Variants in ATP2B1 observed in about 807,000 individuals in gnomAD.
ATP2B1 encodes plasma membrane calcium-transporting ATPase 1.
A neutral mutation model predicts 124.2 loss-of-function variants in ATP2B1; 14 were observed. The observed-to-expected ratio is 0.11, with a 90% confidence interval of 0.07 to 0.18. ATP2B1 has a LOEUF of 0.18. ATP2B1 is among the 10% of genes least tolerant of loss of function. The probability of loss-of-function intolerance (pLI) is 1.00; values close to 1 mark genes in which losing one functional copy is unlikely to be tolerated. For missense variants in ATP2B1, 763 were observed against 1,466.1 expected (o/e 0.52, Z 7.83); for synonymous variants, 449 against 492.4 (o/e 0.91, Z 1.17).
intron 20 of ATP2B1, chr12:89,593,668 A>T (rs1386036302): frequency 6.6e-6 from 1 of 152,076 alleles, no homozygotes; most frequent in Non-Finnish European, 1.5e-5. Context: ...TGTAAAGGTG[A>T]GGGCAACAAG....
chr12:89,636,426 C>T (rs1243679379), intron 3 of ATP2B1, among the ~76,000 whole-genome samples: 1 of 152,022 alleles, frequency 6.6e-6, no homozygotes, highest in African/African-American at 2.4e-5. Flanking sequence ...TTTCCTGAAA[C>T]GCTGATTACT....
In ATP2B1 at chr12:89,675,838, A is replaced by C. The variant is rs545735185; in HGVS notation, c.-221-19731T>G. On this transcript the variant is annotated intron_variant, in intron 1 of 20. Transcript: ENST00000428670. ...CTTTCTGGGGAAAGATACTACTTTT[A>C]CTGTAAAGTTTCCTGACGAGCCAGG... Among the ~76,000 whole-genome samples, 439 of 152,314 alleles carry C rather than the reference A, an allele frequency of 2.9e-3. 1 individual carries two copies. The highest frequency in any genetic ancestry group is 4.8e-3 in the Non-Finnish European group (328 of 68,016).
intron 8 of ATP2B1, among the ~76,000 whole-genome samples, chr12:89,625,310 G>A (rs1329161949): frequency 1.3e-5 from 2 of 151,800 alleles, no homozygotes; most frequent in African/African-American, 4.8e-5. Context: ...GCAGCTGGGC[G>A]CAGTGGCTCA....
intron 11 of ATP2B1, among the ~76,000 whole-genome samples, chr12:89,618,712 A>G (rs1565825241): frequency 1.3e-5 from 2 of 152,120 alleles, no homozygotes; most frequent in Non-Finnish European, 2.9e-5. Flanking sequence ...CCCCACCTCG[A>G]AGTTCTCATT....
At chr12:89,632,469 G>A (rs1457283993) in intron 5 of ATP2B1, among the ~76,000 whole-genome samples, 1 of 152,150 alleles carries the variant, frequency 6.6e-6, no homozygotes, top group Non-Finnish European at 1.5e-5. Context: ...TCAAGATAGT[G>A]AAAAAGTAGA....
intron 20 of ATP2B1, among the ~76,000 whole-genome samples, chr12:89,592,378 A>C (rs1239486001): frequency 6.6e-6 from 1 of 152,096 alleles, no homozygotes; most frequent in Non-Finnish European, 1.5e-5. Context: ...ACATTCTAGA[A>C]AAAAGATGCG....
At chr12:89,704,073 AC>A (rs1892167326) in intron 1 of ATP2B1, among the ~76,000 whole-genome samples, 1 of 152,212 alleles carries the variant, frequency 6.6e-6, no homozygotes, top group Non-Finnish European at 1.5e-5. Flanking sequence ...CTCATTTGGA[AC>A]CTTTTAAACT....
intron 19 of ATP2B1, among the ~76,000 whole-genome samples, chr12:89,599,702 T>C (rs1489894911): frequency 2.0e-5 from 3 of 152,022 alleles, no homozygotes; most frequent in African/African-American, 7.3e-5. Context: ...CTGTCAGAGT[T>C]CAATGAGAAA....
intron 15 of ATP2B1, among the ~76,000 whole-genome samples, chr12:89,608,981 T>G (rs1167689220): frequency 6.6e-6 from 1 of 152,150 alleles, no homozygotes; most frequent in Non-Finnish European, 1.5e-5. Context: ...TACCCATAAT[T>G]TCCTTTCCTC....
chr12:89,705,183 GTTAT>G (rs1169471381), intron 1 of ATP2B1, among the ~76,000 whole-genome samples: 2 of 152,004 alleles, frequency 1.3e-5, no homozygotes, highest in Non-Finnish European at 2.9e-5. Flanking sequence ...ATTTTTTAAA[GTTAT>G]TTATCTTTAT....
chr12:89,609,854 G>GT (rs1177010370), intron 15 of ATP2B1, 83 bp downstream of exon 15: 2 of 1,256,162 alleles, frequency 1.6e-6, no homozygotes, highest in African/African-American at 3.0e-5. Flanking sequence ...AAAATCCATA[G>GT]TAATTTAGTC....
At chr12:89,621,838 A>C (rs1193322341) in intron 9 of ATP2B1, 47 bp from the exon 10 acceptor site, 1 of 1,451,724 alleles carries the variant, frequency 6.9e-7, no homozygotes, top group African/African-American at 1.4e-5. Context: ...ATATAAAACC[A>C]ATCACCTCAT....
chr12:89,597,447 T>C (rs373986836), intron 20 of ATP2B1, among the ~76,000 whole-genome samples: 16 of 152,326 alleles, frequency 1.1e-4, no homozygotes, highest in African/African-American at 3.8e-4. Flanking sequence ...TTTTCACACC[T>C]GTAAAACAGG....
chr12:89,665,929 T>A (rs1011392676), intron 1 of ATP2B1, among the ~76,000 whole-genome samples: 6 of 152,244 alleles, frequency 3.9e-5, no homozygotes, highest in African/African-American at 1.4e-4. Flanking sequence ...AAATTTAACA[T>A]GAGCTTTCTG....
intron 14 of ATP2B1, 136 bp from the exon 15 acceptor site, chr12:89,610,179 A>G: frequency 1.1e-6 from 1 of 888,618 alleles, no homozygotes; most frequent in Non-Finnish European, 1.7e-6. Flanking sequence ...AATTGCTTAG[A>G]TGTTGGGTGA....
intron 16 of ATP2B1, 81 bp downstream of exon 16, chr12:89,604,074 T>C: frequency 6.9e-7 from 1 of 1,445,196 alleles, no homozygotes; most frequent in South Asian, 1.3e-5. Flanking sequence ...TCAGCTTAAA[T>C]ATTAAGTATT....
chr12:89,648,231 G>A (rs1292108626), intron 2 of ATP2B1, among the ~76,000 whole-genome samples: 2 of 152,126 alleles, frequency 1.3e-5, no homozygotes, highest in African/African-American at 4.8e-5. Flanking sequence ...GGGAAATGAG[G>A]GAAAGTCTGG....
At chr12:89,650,990 G>A (rs554488378) in intron 2 of ATP2B1, among the ~76,000 whole-genome samples, 1 of 152,304 alleles carries the variant, frequency 6.6e-6, no homozygotes, top group African/African-American at 2.4e-5. Flanking sequence ...TGCATTCTTG[G>A]ATTCTGAGGA....
chr12:89,680,303 T>C (rs1033590965), intron 1 of ATP2B1, among the ~76,000 whole-genome samples: 8 of 152,114 alleles, frequency 5.3e-5, no homozygotes, highest in African/African-American at 1.9e-4. Context: ...AAGCAAGTAT[T>C]TGCAGATATT....
Sources: allele counts gnomAD v4.1 joint callset (sites outside exome capture counted in the v4.1 genomes callset), GRCh38; gene constraint gnomAD v4.1.1; transcripts MANE v1.5; gene names NCBI Gene and HGNC (gene_info 2026-07-23, HGNC 2026-07-21).